SMYD3: variants seen among roughly 807,000 people sequenced by gnomAD.
SMYD3 encodes SET and MYND domain containing 3, also known as histone-lysine N-methyltransferase SMYD3.
In SMYD3, 36 loss-of-function variants were observed where a neutral mutation model predicts 57.7. The observed-to-expected ratio is 0.62, with a 90% CI of 0.48 to 0.82. The LOEUF is 0.82. Ranked by LOEUF, SMYD3 falls within the 40% of genes least tolerant of loss-of-function variation. SMYD3 has a pLI of 0.00. For missense variants in SMYD3, 515 were observed against 538.8 expected, an observed-to-expected ratio of 0.96 and a Z score of 0.44; for synonymous variants, 211 against 195.0, an observed-to-expected ratio of 1.08 and a Z score of -0.68.
chr1:246,230,806 T>A (rs1044859379), intron 5 of SMYD3, among the ~76,000 whole-genome samples: 1 of 152,194 alleles, frequency 6.6e-6, no homozygotes, highest in Non-Finnish European at 1.5e-5. Flanking sequence ...TTGAAATGTG[T>A]TTAGTGCAAG....
At position 246,164,303 on chromosome 1, in the gene SMYD3, C is replaced by G. The variant is rs1172695920; in HGVS notation, c.531+162898G>C. 1.3e-5 allele frequency among the ~76,000 whole-genome samples: 2 copies of G among 152,126 alleles called. 1 individual carries two copies. Among genetic ancestry groups the G allele is most frequent in the Non-Finnish European group, 2.9e-5 (2 of 68,014 alleles). On this transcript the variant is annotated intron_variant, in intron 5 of 11. Coordinates refer to ENST00000490107, the MANE Select transcript of SMYD3 (RefSeq NM_001167740.2). ...CTGGGCGTGGTGGCGGGTGCCTGTC[C>G]CAGCTACTCAGGAGGCTGAGGCAGG...
At chr1:246,083,329 A>G (rs753235597) in intron 5 of SMYD3, among the ~76,000 whole-genome samples, 5 of 152,214 alleles carry the variant, frequency 3.3e-5, no homozygotes, top group Admixed American at 6.5e-5. Context: ...ATGTTTATGT[A>G]TATGCACATC....
intron 10 of SMYD3, among the ~76,000 whole-genome samples, chr1:245,773,309 ATAGGAC>A (rs1426531326): frequency 6.6e-6 from 1 of 152,238 alleles, no homozygotes; most frequent in African/African-American, 2.4e-5. Flanking sequence ...TATGTTGCAG[ATAGGAC>A]TAAGCATCCA....
chr1:246,113,813 G>A (rs1286727271), intron 5 of SMYD3: 3 of 152,080 alleles, frequency 2.0e-5, no homozygotes, highest in Non-Finnish European at 4.4e-5. Context: ...CATACTCCTC[G>A]AATCTTTTAG....
At chr1:246,257,326 A>G (rs549868799) in intron 5 of SMYD3, among the ~76,000 whole-genome samples, 7 of 152,016 alleles carry the variant, frequency 4.6e-5, no homozygotes, top group African/African-American at 1.2e-4. Context: ...CAATGTGGCT[A>G]CTCCAATATT....
At chr1:246,111,794 G>C (rs2297822) in intron 5 of SMYD3, among the ~76,000 whole-genome samples, 4,382 of 152,296 alleles carry the variant, frequency 0.029, 163 homozygotes, top group East Asian at 0.16. Context: ...ACTTCACCAT[G>C]TGAGGTAAAC....
At chr1:245,987,465 T>C (rs1237876737) in intron 5 of SMYD3, among the ~76,000 whole-genome samples, 1 of 151,864 alleles carries the variant, frequency 6.6e-6, no homozygotes, top group East Asian at 1.9e-4. Context: ...AAAAAAACAA[T>C]TGAAACGAAC....
intron 5 of SMYD3, among the ~76,000 whole-genome samples, chr1:246,112,678 T>A (rs1338720903): frequency 1.3e-5 from 2 of 152,154 alleles, no homozygotes; most frequent in African/African-American, 4.8e-5. Context: ...GTATTTTGTT[T>A]CACTATCAAA....
intron 10 of SMYD3, among the ~76,000 whole-genome samples, chr1:245,791,612 AAG>A (rs2047273729): frequency 7.7e-6 from 1 of 129,852 alleles, no homozygotes; most frequent in African/African-American, 2.9e-5. Flanking sequence ...GGACGGGAGA[AAG>A]AGAGAGGGGG....
At chr1:246,120,421 C>T (rs996568555) in intron 5 of SMYD3, among the ~76,000 whole-genome samples, 2 of 152,132 alleles carry the variant, frequency 1.3e-5, no homozygotes, top group Admixed American at 1.3e-4. Flanking sequence ...GTCCCCCTTC[C>T]TAAACTCAAG....
intron 5 of SMYD3, among the ~76,000 whole-genome samples, chr1:246,186,360 G>C (rs1033543334): frequency 2.6e-5 from 4 of 152,130 alleles, no homozygotes; most frequent in Non-Finnish European, 5.9e-5. Flanking sequence ...GCATTTTATG[G>C]ACAAGAACCA....
At chr1:246,216,889 A>T (rs930924026) in intron 5 of SMYD3, among the ~76,000 whole-genome samples, 2 of 152,118 alleles carry the variant, frequency 1.3e-5, no homozygotes, top group African/African-American at 2.4e-5. Context: ...GGCACAAAGC[A>T]CTGGAGGCTG....
At chr1:246,483,558 T>C (rs1449450227) in intron 1 of SMYD3, 1 of 152,228 alleles carries the variant, frequency 6.6e-6, no homozygotes. Flanking sequence ...TGGAAGAATA[T>C]TCACTAAGCT....
Position 246,101,064 on chromosome 1 carries a change from G to GTTTTTT in SMYD3, c.532-171133_532-171128dup, listed in dbSNP as rs538220674. Among the ~76,000 whole-genome samples the GTTTTTT allele has an allele frequency of 1.0e-4, 8 of 78,560 alleles. 1 individual carries two copies. The highest frequency in any genetic ancestry group is 1.5e-4 in the African/African-American group (4 of 27,006). 51.5% of individuals were successfully genotyped at this position (78,560 alleles called of 152,430 possible). A position where few individuals can be genotyped will look rare whatever the true frequency, so the allele number is the denominator to read the frequency against. On this transcript the variant is annotated intron_variant, in intron 5 of 11. Transcript: ENST00000490107. ...TCACTAGTAATATGTATTTTTAGGG[G>GTTTTTT]TTTTTTGTTTTTTTTTTTTTTTTTT...
At chr1:246,325,281 A>G (rs1572382257) in intron 5 of SMYD3, among the ~76,000 whole-genome samples, 2 of 66,730 alleles carry the variant, frequency 3.0e-5, no homozygotes, top group Admixed American at 2.0e-4. Flanking sequence ...GGGGGGCGGG[A>G]AGGAGGGAGA....
rs189970629 is a variant in SMYD3, at chr1:246,180,953, T to C, written c.531+146248A>G. Among the ~76,000 whole-genome samples, 226 of 151,844 alleles carry C rather than the reference T, an allele frequency of 1.5e-3. 1 individual carries two copies. Among genetic ancestry groups the C allele is most frequent in the Non-Finnish European group, 2.9e-3 (197 of 67,950 alleles). On this transcript the variant is annotated intron_variant, in intron 5 of 11. Coordinates refer to ENST00000490107, the MANE Select transcript of SMYD3 (RefSeq NM_001167740.2). ...GACGTGCTTTAAAAGCAACAAAATATCAGGGAGGAACATACTCTACTCTAA... is the reference window on the plus strand; with the variant it reads ...GACGTGCTTTAAAAGCAACAAAATACCAGGGAGGAACATACTCTACTCTAA...
chr1:245,816,667 G>A (rs1223818362), intron 10 of SMYD3, among the ~76,000 whole-genome samples: 1 of 152,132 alleles, frequency 6.6e-6, no homozygotes, highest in Admixed American at 6.5e-5. Context: ...GTGCCAGACA[G>A]TGGGCACAGG....
chr1:246,468,906 T>C (rs1014851893), intron 1 of SMYD3, among the ~76,000 whole-genome samples: 3 of 151,866 alleles, frequency 2.0e-5, no homozygotes, highest in Admixed American at 6.6e-5. Flanking sequence ...AGCCAAGGAG[T>C]TGGAGGCTAC....
At chr1:246,043,053 T>G (rs2059904918) in intron 5 of SMYD3, among the ~76,000 whole-genome samples, 1 of 104,772 alleles carries the variant, frequency 9.5e-6, no homozygotes, top group Non-Finnish European at 2.1e-5. Context: ...CCATTGTCAC[T>G]ACTTCTTTAT....
Sources: allele counts gnomAD v4.1 joint callset (sites outside exome capture counted in the v4.1 genomes callset), GRCh38; gene constraint gnomAD v4.1.1; transcripts MANE v1.5; gene names NCBI Gene and HGNC (gene_info 2026-07-23, HGNC 2026-07-21).